The following PIK3C2G variants were observed in gnomAD, a reference collection of about 807,000 sequenced individuals.
PIK3C2G encodes phosphatidylinositol-4-phosphate 3-kinase catalytic subunit type 2 gamma.
A neutral mutation model predicts 181.1 loss-of-function variants in PIK3C2G; 168 were observed. The observed-to-expected ratio is 0.93, with a 90% CI of 0.82 to 1.05. The LOEUF (loss-of-function observed/expected upper bound fraction) is 1.05, where lower values mean the gene tolerates loss of function less well. Ranked by LOEUF, PIK3C2G falls within the 50% of genes least tolerant of loss-of-function variation. The pLI, the probability that PIK3C2G is intolerant of heterozygous loss-of-function variation, is 0.00. For missense variants in PIK3C2G, 1,869 were observed against 1,732.8 expected (o/e 1.08, Z -1.40); for synonymous variants, 573 against 592.2 (o/e 0.97, Z 0.47).
In PIK3C2G at chr12:18,299,453, G is replaced by C. The variant is rs569446117; in HGVS notation, c.1034+5438G>C. ...ACAGAGTTTTTTGGTGGAATCTTCA[G>C]GTTTTTCTGAATATGAGATCCTGTC... On this transcript the variant is annotated intron_variant, in intron 5 of 32. Coordinates refer to ENST00000538779, the MANE Select transcript of PIK3C2G (RefSeq NM_001288772.2). 2.2e-3 allele frequency among the ~76,000 whole-genome samples: 339 copies of C among 151,934 alleles called. 8 individuals carry two copies. In the South Asian group the frequency reaches 0.03, roughly 13 times the overall value.
chr12:18,701,798 T>C, the PIK3C2G span: 23 of 1,581,908 alleles, frequency 1.5e-5, no homozygotes, highest in East Asian at 2.3e-5. Flanking sequence ...ATTTGAGAGA[T>C]ACAATTACAC....
At chr12:18,333,470 T>C (rs1938190720) in intron 8 of PIK3C2G, among the ~76,000 whole-genome samples, 1 of 152,062 alleles carries the variant, frequency 6.6e-6, no homozygotes, top group African/African-American at 2.4e-5. Context: ...CGGTGTGTGA[T>C]GTTCCACTCC....
intron 17 of PIK3C2G, among the ~76,000 whole-genome samples, chr12:18,422,286 A>T (rs1945531036): frequency 1.3e-5 from 2 of 151,518 alleles, no homozygotes; most frequent in Non-Finnish European, 2.9e-5. Flanking sequence ...ATGTCCTGAG[A>T]TGGAAAGAAA....
the PIK3C2G span, among the ~76,000 whole-genome samples, chr12:18,707,943 G>A: frequency 6.6e-6 from 1 of 152,138 alleles, no homozygotes; most frequent in Non-Finnish European, 1.5e-5. Context: ...TAGTAAGAAG[G>A]TTATTACAGT....
intron 12 of PIK3C2G, among the ~76,000 whole-genome samples, chr12:18,365,313 C>T (rs997662638): frequency 6.6e-6 from 1 of 152,198 alleles, no homozygotes; most frequent in African/African-American, 2.4e-5. Flanking sequence ...ATCCTCCTGC[C>T]AGCAGCTACC....
intron 24 of PIK3C2G, among the ~76,000 whole-genome samples, chr12:18,516,130 C>T (rs193219720): frequency 2.0e-5 from 3 of 152,086 alleles, no homozygotes; most frequent in East Asian, 1.9e-4. Context: ...ATAAACAACT[C>T]CTTTTAGCAT....
chr12:18,485,570 C>T (rs1046245409), intron 18 of PIK3C2G, among the ~76,000 whole-genome samples: 3 of 152,100 alleles, frequency 2.0e-5, no homozygotes, highest in East Asian at 3.9e-4. Context: ...GTTGTCATAA[C>T]TTACACTTTA....
At chr12:18,298,672 A>G (rs1950050691) in intron 5 of PIK3C2G, among the ~76,000 whole-genome samples, 1 of 151,580 alleles carries the variant, frequency 6.6e-6, no homozygotes, top group Admixed American at 6.6e-5. Context: ...GAAGTTCTAT[A>G]ATTTCCGGAT....
chr12:18,282,607 C>T lies in PIK3C2G; in HGVS notation c.526C>T (p.Pro176Ser). Residue 176 changes from proline (P) to serine (S), a missense_variant, in exon 2 of 33, where the codon CCT becomes TCT. Coordinates refer to ENST00000538779, the MANE Select transcript of PIK3C2G (RefSeq NM_001288772.2). ...NYHIGFESSI[P>S]PTNSSFSSDF... ...CCATATAGGATTTGAAAGTAGCATT[C>T]CTCCAACAAATTCATCCTTCTCAAG... 1 of 1,613,030 alleles carries T rather than the reference C, an allele frequency of 6.2e-7. No individual in the cohort carries two copies. The highest frequency in any genetic ancestry group is 8.5e-7 in the Non-Finnish European group (1 of 1,179,194).
Position 18,423,676 on chromosome 12 carries a change from T to C in PIK3C2G, c.2410-269T>C, listed in dbSNP as rs554104706. ...TTTTTGTGTCAGTATTCTCCCCTGG[T>C]ACATGGTTGAACTCCACCAACCACC... On this transcript the variant is annotated intron_variant, in intron 17 of 32. Coordinates refer to ENST00000538779, the MANE Select transcript of PIK3C2G (RefSeq NM_001288772.2). Among the ~76,000 whole-genome samples the C allele has an allele frequency of 6.6e-5, 10 of 152,272 alleles. No homozygotes were observed. In the South Asian group the frequency reaches 2.1e-3, roughly 32 times the overall value.
chr12:18,595,001 A>C (rs137889309), intron 30 of PIK3C2G, among the ~76,000 whole-genome samples: 1 of 152,084 alleles, frequency 6.6e-6, no homozygotes, highest in Non-Finnish European at 1.5e-5. Context: ...TATTTCTTAC[A>C]TCATAGAATA....
chr12:18,674,551 C>A, the PIK3C2G span, among the ~76,000 whole-genome samples: 1 of 152,148 alleles, frequency 6.6e-6, no homozygotes, highest in Non-Finnish European at 1.5e-5. Flanking sequence ...CTCCAATCAA[C>A]ATTTAATCTA....
chr12:18,623,304 C>A (rs1189894267), intron 31 of PIK3C2G, among the ~76,000 whole-genome samples: 2 of 151,586 alleles, frequency 1.3e-5, no homozygotes, highest in African/African-American at 2.4e-5. Flanking sequence ...AGAGGCTGTC[C>A]TTTTCTCATC....
chr12:18,474,739 C>G (rs781516740), intron 18 of PIK3C2G, among the ~76,000 whole-genome samples: 1 of 151,986 alleles, frequency 6.6e-6, no homozygotes, highest in Non-Finnish European at 1.5e-5. Flanking sequence ...ATTTTAGGAA[C>G]AGTATTATAG....
intron 24 of PIK3C2G, among the ~76,000 whole-genome samples, chr12:18,530,842 G>T (rs1428530594): frequency 6.6e-6 from 1 of 152,014 alleles, no homozygotes; most frequent in Non-Finnish European, 1.5e-5. Context: ...AGTTTCTTGA[G>T]GCCTCCCCAT....
intron 29 of PIK3C2G, among the ~76,000 whole-genome samples, chr12:18,567,394 G>A (rs967252042): frequency 5.9e-5 from 9 of 152,072 alleles, no homozygotes; most frequent in Admixed American, 3.3e-4. Context: ...CCCAGATTCT[G>A]TCTCTAATAA....
rs772244770 is a variant in PIK3C2G at position 18,563,434 on chromosome 12, T to G, written c.3838T>G (p.Phe1280Val). The stretch of plus-strand genomic sequence containing the variant: ...CGAAACAAGCCTGACAGAAAAATCA[T>G]TTGAGCAGTTTTCAAAACTTCACAG... The part of the protein sequence containing the change: ...NNETSLTEKS[F>V]EQFSKLHSQL... The change falls in exon 28 of 33, where the codon TTT (phenylalanine) becomes GTT (valine). Residue 1280 changes from phenylalanine to valine, a missense_variant. Phe to Val is a conservative substitution (Grantham distance 50). Coordinates refer to ENST00000538779, the MANE Select transcript of PIK3C2G (RefSeq NM_001288772.2). 6.2e-7 allele frequency: 1 copy of G among 1,613,758 alleles called. No homozygotes were observed. Among genetic ancestry groups the G allele is most frequent in the South Asian group, 1.1e-5 (1 of 91,074 alleles).
At chr12:18,643,627 GATTTT>G (rs922417927) in intron 32 of PIK3C2G, among the ~76,000 whole-genome samples, 1 of 151,550 alleles carries the variant, frequency 6.6e-6, no homozygotes, top group African/African-American at 2.4e-5. Context: ...TGTTAACTCT[GATTTT>G]ACTGTCTCTT....
chr12:18,721,351 G>A, the PIK3C2G span, among the ~76,000 whole-genome samples: 1 of 151,984 alleles, frequency 6.6e-6, no homozygotes, highest in East Asian at 1.9e-4. Flanking sequence ...ATTCAAATTG[G>A]CCTTAATAAG....
Sources: allele counts gnomAD v4.1 joint callset (sites outside exome capture counted in the v4.1 genomes callset), GRCh38; gene constraint gnomAD v4.1.1; transcripts MANE v1.5; gene names NCBI Gene and HGNC (gene_info 2026-07-23, HGNC 2026-07-21).